TP53BP1: variants seen among roughly 807,000 people sequenced by gnomAD.
TP53BP1 encodes the protein TP53-binding protein 1.
TP53BP1 carries 61 observed loss-of-function variants against 200.8 expected under a neutral mutation model. The ratio of observed to expected loss-of-function variants is 0.30; its 90% CI spans 0.25 to 0.38. The LOEUF is 0.38. TP53BP1 is among the 10% of genes least tolerant of loss of function. The pLI is 1.00. For missense variants in TP53BP1, 2,144 were observed against 2,371.9 expected (o/e 0.90, Z 2.00); for synonymous variants, 822 against 844.3 (o/e 0.97, Z 0.46).
intron 7 of TP53BP1, 122 bp from the exon 8 acceptor site, chr15:43,477,881 C>T (rs1312324618): frequency 2.9e-5 from 20 of 678,724 alleles, no homozygotes; most frequent in Non-Finnish European, 4.4e-5. Context: ...CTCTAATTTA[C>T]ATAATTATAT....
intron 4 of TP53BP1, among the ~76,000 whole-genome samples, chr15:43,489,324 C>T (rs1168227730): frequency 1.3e-5 from 2 of 152,228 alleles, no homozygotes; most frequent in African/African-American, 4.8e-5. Flanking sequence ...TGAAACTTCT[C>T]AAATAGCATT....
At chr15:43,437,101 G>T (rs895072239) in intron 16 of TP53BP1, among the ~76,000 whole-genome samples, 1 of 152,224 alleles carries the variant, frequency 6.6e-6, no homozygotes, top group South Asian at 2.1e-4. Context: ...TGGGGCTGCC[G>T]TGAGCTATTA....
intron 18 of TP53BP1, 63 bp from the exon 19 acceptor site, chr15:43,422,189 G>A: frequency 1.9e-6 from 3 of 1,542,420 alleles, no homozygotes; most frequent in Non-Finnish European, 1.8e-6. Context: ...CTAATATGAT[G>A]GTTGGAAAAT....
rs773208763 is a variant in TP53BP1, at chr15:43,469,991, G to A, written c.1256C>T (p.Pro419Leu). The A allele has an allele frequency of 5.0e-6, 8 of 1,613,852 alleles. No homozygotes were observed. The highest frequency in any genetic ancestry group is 4.4e-5 in the South Asian group (4 of 91,058). The change falls in exon 11 of 28, where the codon CCA becomes CTA. Residue 419 changes from proline (P) to leucine (L), a missense_variant. Pro to Leu is a moderately conservative substitution (Grantham distance 98). This residue lies in a region of TP53BP1 where 1,700 missense variants were observed against 1,710.3 expected (regional missense o/e 0.99). Transcript: ENST00000382044. ...GAGAGGGGGGTTTTCTAACTCCACT[G>A]GTTCACCACTTTGAAGTTTCTTCTG... ...PFQKKLQSGE[P>L]VELENPPLLP... is the part of the protein sequence containing the mutation.
intron 15 of TP53BP1, among the ~76,000 whole-genome samples, chr15:43,440,810 G>A (rs2045910278): frequency 6.6e-6 from 1 of 151,944 alleles, no homozygotes; most frequent in Non-Finnish European, 1.5e-5. Context: ...GATAGCTGGA[G>A]GTCAGGATGT....
At position 43,441,548 on chromosome 15, in the gene TP53BP1, CAGT is replaced by C; in HGVS notation, c.3073_3075del (p.Thr1025del). ...TACCTGGCAACAGACTCAGCAACAG[CAGT>C]AGATCCATTTTTTCTTTCACCAGTT... On this transcript the variant is annotated inframe_deletion, in exon 15 of 28. Coordinates refer to ENST00000382044, the MANE Select transcript of TP53BP1 (RefSeq NM_001141980.3). 6.2e-7 allele frequency: 1 copy of C among 1,613,390 alleles called. No homozygotes were observed. Among genetic ancestry groups the C allele is most frequent in the South Asian group, 1.1e-5 (1 of 91,060 alleles).
chr15:43,464,779 A>G lies in TP53BP1; in HGVS notation c.1389+5079T>C, dbSNP rs926382186. Among the ~76,000 whole-genome samples the G allele has an allele frequency of 2.6e-5, 4 of 152,028 alleles. No homozygotes were observed. The South Asian group carries it at 6.2e-4, about 24-fold the overall frequency. On this transcript the variant is annotated intron_variant, in intron 11 of 27. Transcript: ENST00000382044. ...CAAAATTTGCCAGGCATGGTGGTGC[A>G]TGCCTGTAATCCCAGCTACTCAGGA...
intron 18 of TP53BP1, among the ~76,000 whole-genome samples, chr15:43,422,933 G>A (rs2045439436): frequency 6.6e-6 from 1 of 151,702 alleles, no homozygotes; most frequent in Non-Finnish European, 1.5e-5. Context: ...AGTCAAGGCT[G>A]CAGTGAGCCG....
chr15:43,455,158 T>C (rs1028139334), intron 12 of TP53BP1, among the ~76,000 whole-genome samples: 5 of 152,204 alleles, frequency 3.3e-5, no homozygotes, highest in African/African-American at 1.2e-4. Flanking sequence ...TTAGAAACTT[T>C]ACCTAATGCC....
chr15:43,472,420 T>A (rs375768846), intron 10 of TP53BP1, among the ~76,000 whole-genome samples: 1 of 152,210 alleles, frequency 6.6e-6, no homozygotes, highest in Non-Finnish European at 1.5e-5. Context: ...TAGAAACATC[T>A]TGAATGACTG....
In TP53BP1 at chr15:43,426,439, CAAAA is replaced by C. The variant is rs538087512; in HGVS notation, c.3828+1573_3828+1576del. 3.9e-4 allele frequency among the ~76,000 whole-genome samples: 22 copies of C among 56,782 alleles called. No individual in the cohort carries two copies. In the East Asian group the frequency reaches 4.3e-3, roughly 11 times the overall value. The allele number at this position is 56,782 out of a possible 152,430, so 37.3% of individuals were successfully genotyped here. A position where few individuals can be genotyped will look rare whatever the true frequency, so the allele number is the denominator to read the frequency against. ...TGGGCAACAGAGTGAGACTCTGTGTCAAAAAAAAAAAAAAAAAAAAAGGAATAAA... is the reference window on the plus strand; with the variant it reads ...TGGGCAACAGAGTGAGACTCTGTGTCAAAAAAAAAAAAAAAAAGGAATAAA... On this transcript the variant is annotated intron_variant, in intron 18 of 27. Transcript: ENST00000382044.
intron 11 of TP53BP1, among the ~76,000 whole-genome samples, chr15:43,468,263 G>A (rs2046637150): frequency 6.6e-6 from 1 of 152,070 alleles, no homozygotes; most frequent in African/African-American, 2.4e-5. Flanking sequence ...AGCTAAAGAA[G>A]GCCAGGTACG....
intron 4 of TP53BP1, among the ~76,000 whole-genome samples, chr15:43,485,576 CAAA>C (rs59927509): frequency 2.2e-5 from 1 of 44,926 alleles, no homozygotes; most frequent in Non-Finnish European, 3.8e-5. Flanking sequence ...GACGCCGTCT[CAAA>C]AAAAAAAAAA....
In TP53BP1 at chr15:43,491,702, A is replaced by G; in HGVS notation, c.338T>C (p.Ile113Thr). 4 of 1,614,122 alleles carry G rather than the reference A, an allele frequency of 2.5e-6. No individual in the cohort carries two copies. The highest frequency in any genetic ancestry group is 2.2e-5 in the South Asian group (2 of 91,084). ...CCTGTTTGGCTGAGGTAACTGCTCA[A>G]TGACCTGACTGATGGAACCACATGT... ...LDTCGSISQV[I>T]EQLPQPNRTS... Residue 113 changes from isoleucine (I) to threonine (T), a missense_variant, in exon 4 of 28, where the codon ATT (isoleucine) becomes ACT (threonine). Transcript: ENST00000382044.
At position 43,451,192 on chromosome 15, in the gene TP53BP1, TA is replaced by T. The variant is rs1482644721; in HGVS notation, c.2717-3708del. On this transcript the variant is annotated intron_variant, in intron 12 of 27. Transcript: ENST00000382044. ...CCATTACTTTTTTTCTTTTTTTTTT[TA>T]ATTATTATACTTTAAGTTTTAGGGT... is the stretch of plus-strand genomic sequence containing the variant. Among the ~76,000 whole-genome samples the T allele has an allele frequency of 2.1e-4, 32 of 152,228 alleles. 1 individual carries two copies. The highest frequency in any genetic ancestry group is 2.0e-3 in the Admixed American group (31 of 15,284).
intron 7 of TP53BP1, among the ~76,000 whole-genome samples, chr15:43,479,000 C>T (rs1455104018): frequency 6.6e-6 from 1 of 152,158 alleles, no homozygotes; most frequent in Non-Finnish European, 1.5e-5. Flanking sequence ...TACTTGAGCC[C>T]AGGAGTTCGA....
At chr15:43,466,992 T>G (rs537261635) in intron 11 of TP53BP1, among the ~76,000 whole-genome samples, 1 of 152,276 alleles carries the variant, frequency 6.6e-6, no homozygotes, top group African/African-American at 2.4e-5. Flanking sequence ...GACTTATTTT[T>G]GGGGTTTTAC....
rs529892666 is a variant in TP53BP1 at position 43,432,299 on chromosome 15, C to T, written c.3570G>A (p.Val1190=). 6.2e-7 allele frequency: 1 copy of T among 1,614,180 alleles called. No individual in the cohort carries two copies. The highest frequency in any genetic ancestry group is 1.1e-5 in the South Asian group (1 of 91,086). Residue 1190 remains valine (V), a synonymous_variant, in exon 17 of 28, where the codon GTG becomes GTA. Coordinates refer to ENST00000382044, the MANE Select transcript of TP53BP1 (RefSeq NM_001141980.3). ...CATCTTGCTTTCCAAAGTTCTGGTCCACTGTACTGGTCCCCTGCTCACACA... is the reference window on the plus strand; with the variant it reads ...CATCTTGCTTTCCAAAGTTCTGGTCTACTGTACTGGTCCCCTGCTCACACA... The part of the protein sequence containing the change: ...KNVCEQGTST[V]DQNFGKQDAT...
At position 43,432,209 on chromosome 15, in the gene TP53BP1, C is replaced by T. The variant is rs374959402; in HGVS notation, c.3660G>A (p.Glu1220=). 440 of 1,613,968 alleles carry T rather than the reference C, an allele frequency of 2.7e-4. No homozygotes were observed. The highest frequency in any genetic ancestry group is 7.0e-4 in the Admixed American group (42 of 60,006). ...KPVSAPGDDT[E]SLHSQGEEEF... ...GTTCTCTCACCTGGCTATGGAGCGA[C>T]TCTGTATCATCCCCAGGAGCACTGA... The change falls in exon 17 of 28, where the codon GAG becomes GAA. Residue 1220 remains glutamate (E), a synonymous_variant. Coordinates refer to ENST00000382044, the MANE Select transcript of TP53BP1 (RefSeq NM_001141980.3).
Sources: gnomAD v4.1 joint callset for allele counts (sites outside exome capture counted in the v4.1 genomes callset) on GRCh38, gnomAD v4.1.1 for gene constraint, gnomAD v4.1.1 regional missense constraint, MANE v1.5 for transcripts, NCBI Gene and HGNC (gene_info 2026-07-23, HGNC 2026-07-21) for gene names.